Variants in MCAM observed in about 807,000 individuals in gnomAD.
The protein encoded by MCAM is melanoma cell adhesion molecule.
Under a neutral mutation model 79.1 loss-of-function variants are expected in MCAM, and 55 were observed. The observed-to-expected ratio is 0.70, with a 90% CI of 0.56 to 0.87. The LOEUF (loss-of-function observed/expected upper bound fraction) is 0.87. Among genes scored for constraint, MCAM ranks in the 40% least tolerant of loss-of-function variants. The pLI is 0.00. For missense variants in MCAM, 745 were observed against 839.8 expected (o/e 0.89, Z 1.40); for synonymous variants, 330 against 339.8 (o/e 0.97, Z 0.32).
At position 119,316,885 on chromosome 11, in the gene MCAM, G is replaced by A; in HGVS notation, c.67+150C>T. 1.6e-6 allele frequency: 1 copy of A among 613,218 alleles called. No individual in the cohort carries two copies. Among genetic ancestry groups the A allele is most frequent in the Non-Finnish European group, 2.7e-6 (1 of 371,650 alleles). 38.0% of individuals were successfully genotyped at this position (613,218 alleles called of 1,614,324 possible). ...CTGGCTGCAAAGAAGAGTTGCTCGCGCGCAAGGCGCCCGGGGATCGGGGAC... is the reference window on the plus strand; with the variant it reads ...CTGGCTGCAAAGAAGAGTTGCTCGCACGCAAGGCGCCCGGGGATCGGGGAC... On this transcript the variant is annotated intron_variant, in intron 1 of 15. Transcript: ENST00000264036. The surrounding 1 kb of genome is among the most constrained non-coding windows in gnomAD (Gnocchi z 4.8).
rs888408458 is a variant in MCAM at position 119,316,864 on chromosome 11, C to T, written c.67+171G>A. On this transcript the variant is annotated intron_variant, in intron 1 of 15. Transcript: ENST00000264036. This position sits in a 1 kb window ranked among gnomAD's most constrained non-coding sequence, Gnocchi z 4.8. ...CTCTAGAATCCCGGCTGCAAACTGG[C>T]TGCAAAGAAGAGTTGCTCGCGCGCA... is the stretch of plus-strand genomic sequence containing the variant. The T allele has an allele frequency of 8.9e-6, 5 of 563,344 alleles. No homozygotes were observed. The highest frequency in any genetic ancestry group is 6.2e-6 in the Non-Finnish European group (2 of 324,826). 34.9% of individuals were successfully genotyped at this position (563,344 alleles called of 1,614,324 possible). A position where few individuals can be genotyped will look rare whatever the true frequency, so the allele number is the denominator to read the frequency against.
At chr11:119,310,535 G>T in intron 14 of MCAM, 69 bp from the exon 15 acceptor site, 1 of 1,176,494 alleles carries the variant, frequency 8.5e-7, no homozygotes, top group Non-Finnish European at 1.3e-6. Flanking sequence ...CCGCTGTGAA[G>T]GATGTGGAAT....
At position 119,315,804 on chromosome 11, in the gene MCAM, C is replaced by T. The variant is rs1312015376; in HGVS notation, c.68-541G>A. 1.2e-5 allele frequency: 2 copies of T among 161,318 alleles called. No individual in the cohort carries two copies. The highest frequency in any genetic ancestry group is 2.8e-5 in the Non-Finnish European group (2 of 72,656). The allele number at this position is 161,318 out of a possible 1,614,324, so 10.0% of individuals were successfully genotyped here. The stretch of plus-strand genomic sequence containing the variant: ...TCCATGAACACTCCGCACACACCCG[C>T]GGACCCCACCCTAGGTAGCTGGTAA... On this transcript the variant is annotated intron_variant, in intron 1 of 15. Transcript: ENST00000264036. The surrounding 1 kb of genome is among the most constrained non-coding windows in gnomAD (Gnocchi z 4.4).
rs772391617 is a variant in MCAM at position 119,310,301 on chromosome 11, C to A, written c.1911+48G>T. 2.4e-6 allele frequency: 3 copies of A among 1,231,242 alleles called. No individual in the cohort carries two copies. The South Asian group carries it at 3.6e-5, about 15-fold the overall frequency. The allele number at this position is 1,231,242 out of a possible 1,614,324, so 76.3% of individuals were successfully genotyped here. On this transcript the variant is annotated intron_variant, in intron 15 of 15. Coordinates refer to ENST00000264036, the MANE Select transcript of MCAM (RefSeq NM_006500.3). ...GAGAACCGTTAGTCCCTACTGCCCC[C>A]GGTCCCTGAGGATGTGGCAGGCTCT...
rs957783718 is a variant in MCAM at position 119,315,332 on chromosome 11, C to T, written c.68-69G>A. The T allele has an allele frequency of 3.3e-6, 5 of 1,533,496 alleles. No individual in the cohort carries two copies. The highest frequency in any genetic ancestry group is 2.7e-5 in the African/African-American group (2 of 73,188). The allele number at this position is 1,533,496 out of a possible 1,614,324, so 95.0% of individuals were successfully genotyped here. A position where few individuals can be genotyped will look rare whatever the true frequency, so the allele number is the denominator to read the frequency against. On this transcript the variant is annotated intron_variant, in intron 1 of 15. Transcript: ENST00000264036. This position sits in a 1 kb window ranked among gnomAD's most constrained non-coding sequence, Gnocchi z 4.4. ...CTGCTGTCCGCCCCTCCCCTCGCAG[C>T]GCTGCTGCAGCTGTTTTTCCTGCCA... is the stretch of plus-strand genomic sequence containing the variant.
intron 5 of MCAM, chr11:119,313,284 A>G: frequency 7.4e-7 from 1 of 1,350,488 alleles, no homozygotes; most frequent in South Asian, 1.2e-5. Flanking sequence ...CAGTAAGCAA[A>G]ACGATCAGTT....
In MCAM at chr11:119,316,072, G is replaced by A. The variant is rs1414292292; in HGVS notation, c.68-809C>T. 1 of 152,586 alleles carries A rather than the reference G, an allele frequency of 6.6e-6. No homozygotes were observed. Among genetic ancestry groups the A allele is most frequent in the East Asian group, 1.9e-4 (1 of 5,200 alleles). 9.5% of individuals were successfully genotyped at this position (152,586 alleles called of 1,614,324 possible). A position where few individuals can be genotyped will look rare whatever the true frequency, so the allele number is the denominator to read the frequency against. On this transcript the variant is annotated intron_variant, in intron 1 of 15. Transcript: ENST00000264036. This position sits in a 1 kb window ranked among gnomAD's most constrained non-coding sequence, Gnocchi z 4.8. ...GACTCCTCCCAGAGCTAGAAGAGCA[G>A]GGCAGGGTGGAGCTGGACCGGCTGC... is the stretch of plus-strand genomic sequence containing the variant.
Position 119,311,838 on chromosome 11 carries a change from G to C in MCAM, c.1255C>G (p.Arg419Gly), listed in dbSNP as rs371872002. Residue 419 changes from arginine to glycine, a missense_variant, in exon 10 of 16, where the codon CGC becomes GGC. Transcript: ENST00000264036. The surrounding 1 kb of genome is among the most constrained non-coding windows in gnomAD (Gnocchi z 4.4). ...ASVPSIPGLNRTQLVNVAIFG... is the reference protein window; with the variant it reads ...ASVPSIPGLNGTQLVNVAIFG... Reference sequence around the variant, plus strand: ...ATGGCCACGTTGACCAGCTGTGTGCGGTTCAGGCCGGGTATGCTGGGCACA... The same window carrying C: ...ATGGCCACGTTGACCAGCTGTGTGCCGTTCAGGCCGGGTATGCTGGGCACA... The C allele has an allele frequency of 6.2e-7, 1 of 1,614,146 alleles. No individual in the cohort carries two copies. Among genetic ancestry groups the C allele is most frequent in the Non-Finnish European group, 8.5e-7 (1 of 1,180,034 alleles).
chr11:119,312,512 A>G lies in MCAM; in HGVS notation c.861+15T>C, dbSNP rs1366556984. Reference sequence around the variant, plus strand: ...GCTTGCATCCCCACCTGCACCCAGCACAAAGCCCCCACACCTGCTTGCTGA... The same window carrying G: ...GCTTGCATCCCCACCTGCACCCAGCGCAAAGCCCCCACACCTGCTTGCTGA... On this transcript the variant is annotated intron_variant, in intron 7 of 15. Transcript: ENST00000264036. This position sits in a 1 kb window ranked among gnomAD's most constrained non-coding sequence, Gnocchi z 4.9. The G allele has an allele frequency of 1.9e-6, 3 of 1,613,964 alleles. No individual in the cohort carries two copies. Among genetic ancestry groups the G allele is most frequent in the African/African-American group, 2.7e-5 (2 of 74,884 alleles).
Position 119,315,083 on chromosome 11 carries a change from C to T in MCAM, c.193-43G>A. The stretch of plus-strand genomic sequence containing the variant: ...AGAGGAGGAGAAGGGTCCTGGGCTA[C>T]AAGAGGGGCAGAGTCTCCCTCCCCG... On this transcript the variant is annotated intron_variant, in intron 2 of 15. Coordinates refer to ENST00000264036, the MANE Select transcript of MCAM (RefSeq NM_006500.3). The surrounding 1 kb of genome is among the most constrained non-coding windows in gnomAD (Gnocchi z 4.4). The T allele has an allele frequency of 6.2e-7, 1 of 1,611,274 alleles. No homozygotes were observed. Among genetic ancestry groups the T allele is most frequent in the South Asian group, 1.1e-5 (1 of 91,074 alleles).
rs780438696 is a variant in MCAM at position 119,310,862 on chromosome 11, C to A, written c.1687G>T (p.Val563Leu). The A allele has an allele frequency of 1.9e-6, 3 of 1,614,212 alleles. No individual in the cohort carries two copies. In the South Asian group the frequency reaches 3.3e-5, roughly 18 times the overall value. ...ACCAGGATGCACACAATCACAGCCACGATGACCACGCCCCGGCTCTCCGGC... is the reference window on the plus strand; with the variant it reads ...ACCAGGATGCACACAATCACAGCCAAGATGACCACGCCCCGGCTCTCCGGC... ...PEPESRGVVI[V>L]AVIVCILVLA... Residue 563 changes from valine to leucine, a missense_variant, in exon 14 of 16, where the codon GTG becomes TTG. Val to Leu is a conservative substitution (Grantham distance 32, BLOSUM62 1). Coordinates refer to ENST00000264036, the MANE Select transcript of MCAM (RefSeq NM_006500.3).
rs1950316453 is a variant in MCAM at position 119,316,904 on chromosome 11, C to CGG, written c.67+129_67+130dup. On this transcript the variant is annotated intron_variant, in intron 1 of 15. Transcript: ENST00000264036. The surrounding 1 kb of genome is among the most constrained non-coding windows in gnomAD (Gnocchi z 4.8). ...GCTCGCGCGCAAGGCGCCCGGGGAT[C>CGG]GGGGACCCAGGGAGGAGGCTCGTCC... 1.4e-6 allele frequency: 1 copy of CGG among 725,940 alleles called. No individual in the cohort carries two copies. The allele number at this position is 725,940 out of a possible 1,614,324, so 45.0% of individuals were successfully genotyped here.
intron 14 of MCAM, 138 bp from the exon 15 acceptor site, chr11:119,310,604 T>C (rs2135335831): frequency 1.9e-6 from 2 of 1,076,380 alleles, no homozygotes; most frequent in Non-Finnish European, 2.8e-6. Context: ...CATGAGACCA[T>C]GTGGCTGATG....
Position 119,311,437 on chromosome 11 carries a change from G to A in MCAM, c.1408-16C>T, listed in dbSNP as rs767544143. Reference sequence around the variant, plus strand: ...GTTCACTTGCCTGCGAGGAAAGGAAGGAGGCAGCTCAGGGGATGGGGAGGA... The same window carrying A: ...GTTCACTTGCCTGCGAGGAAAGGAAAGAGGCAGCTCAGGGGATGGGGAGGA... On this transcript the variant is annotated splice_polypyrimidine_tract_variant and intron_variant, in intron 11 of 15. Transcript: ENST00000264036. The surrounding 1 kb of genome is among the most constrained non-coding windows in gnomAD (Gnocchi z 4.4). The A allele has an allele frequency of 6.2e-6, 10 of 1,613,838 alleles. No individual in the cohort carries two copies. Among genetic ancestry groups the A allele is most frequent in the Non-Finnish European group, 8.5e-6 (10 of 1,179,856 alleles).
rs760323234 is a variant in MCAM at position 119,315,073 on chromosome 11, TC to T, written c.193-34del. 11 of 1,610,230 alleles carry T rather than the reference TC, an allele frequency of 6.8e-6. No homozygotes were observed. The highest frequency in any genetic ancestry group is 9.3e-6 in the Non-Finnish European group (11 of 1,179,696). ...GAGGAGACACAGAGGAGGAGAAGGG[TC>T]CTGGGCTACAAGAGGGGCAGAGTCT... is the stretch of plus-strand genomic sequence containing the variant. On this transcript the variant is annotated intron_variant, in intron 2 of 15. Transcript: ENST00000264036. This position sits in a 1 kb window ranked among gnomAD's most constrained non-coding sequence, Gnocchi z 4.4.
Position 119,311,611 on chromosome 11 carries a change from C to G in MCAM, c.1326G>C (p.Val442=), listed in dbSNP as rs181578707. The part of the protein sequence containing the change: ...WMAFKERKVW[V]KENMVLNLSC... ...ACAGATTCAACACCATATTCTCTTT[C>G]ACCCACACCTTCCTCTCCTTGAATG... Residue 442 remains valine (V), a synonymous_variant, in exon 11 of 16, where the codon GTG becomes GTC. Coordinates refer to ENST00000264036, the MANE Select transcript of MCAM (RefSeq NM_006500.3). The surrounding 1 kb of genome is among the most constrained non-coding windows in gnomAD (Gnocchi z 4.4). 1 of 1,614,062 alleles carries G rather than the reference C, an allele frequency of 6.2e-7. No homozygotes were observed. The highest frequency in any genetic ancestry group is 1.3e-5 in the African/African-American group (1 of 74,920).
At chr11:119,313,823 C>T in intron 5 of MCAM, 1 of 448,642 alleles carries the variant, frequency 2.2e-6, no homozygotes, top group Non-Finnish European at 3.0e-6. Flanking sequence ...TGTGTGACAA[C>T]CAAAAATATC....
Position 119,315,500 on chromosome 11 carries a change from A to C in MCAM, c.68-237T>G. 1 of 545,512 alleles carries C rather than the reference A, an allele frequency of 1.8e-6. No homozygotes were observed. 33.8% of individuals were successfully genotyped at this position (545,512 alleles called of 1,614,324 possible). A position where few individuals can be genotyped will look rare whatever the true frequency, so the allele number is the denominator to read the frequency against. ...GAGATTGAGCAGAGACTGAGCACCG[A>C]ACAGCTCCAGCTGAGGCTGGTAGAG... is the stretch of plus-strand genomic sequence containing the variant. On this transcript the variant is annotated intron_variant, in intron 1 of 15. Transcript: ENST00000264036. This position sits in a 1 kb window ranked among gnomAD's most constrained non-coding sequence, Gnocchi z 4.4.
In MCAM at chr11:119,314,474, G is replaced by A. The variant is rs376088024; in HGVS notation, c.559+15C>T. On this transcript the variant is annotated intron_variant, in intron 5 of 15. Transcript: ENST00000264036. ...CCTGGCCCAAGGGTGGCTTTTGGGA[G>A]AAAGGGCTACTCACGGTTCTTCTCC... 3.0e-4 allele frequency: 488 copies of A among 1,612,218 alleles called. No homozygotes were observed. The highest frequency in any genetic ancestry group is 4.0e-4 in the Non-Finnish European group (469 of 1,178,692).
Sources: allele counts gnomAD v4.1 joint callset, GRCh38; gene constraint gnomAD v4.1.1; non-coding constraint Gnocchi (gnomAD v3.1); transcripts MANE v1.5; gene names NCBI Gene and HGNC (gene_info 2026-07-23, HGNC 2026-07-21).